The following ASS1 variants were observed in gnomAD, a reference collection of about 807,000 sequenced individuals.
ASS1 encodes the protein argininosuccinate synthase 1.
Under a neutral mutation model 60.5 loss-of-function variants are expected in ASS1, and 58 were observed. That is an observed-to-expected ratio of 0.96 (90% CI 0.78 to 1.19). The LOEUF is 1.19. Ranked by LOEUF, ASS1 falls within the 50% of genes most tolerant of loss-of-function variation. The probability of loss-of-function intolerance (pLI) is 0.00; values close to 1 mark genes in which losing one functional copy is unlikely to be tolerated. For missense variants in ASS1, 454 were observed against 547.3 expected (o/e 0.83, Z 1.70); for synonymous variants, 200 against 206.9 (o/e 0.97, Z 0.29).
chr9:130,453,001 C>T (rs918760523), intron 2 of ASS1, among the ~76,000 whole-genome samples: 2 of 152,236 alleles, frequency 1.3e-5, no homozygotes, highest in African/African-American at 4.8e-5. Flanking sequence ...ATTCTTGGCT[C>T]ACACAACTGA....
At chr9:130,474,963 G>A (rs1328426054) in intron 8 of ASS1, among the ~76,000 whole-genome samples, 1 of 152,238 alleles carries the variant, frequency 6.6e-6, no homozygotes, top group Non-Finnish European at 1.5e-5. Context: ...CCCCACAAAT[G>A]GGCACTGATG....
intron 1 of ASS1, among the ~76,000 whole-genome samples, chr9:130,446,203 A>G (rs981047681): frequency 1.3e-5 from 2 of 152,068 alleles, no homozygotes; most frequent in Non-Finnish European, 2.9e-5. Flanking sequence ...GGGCTCAGGA[A>G]ACATTTGCAG....
Position 130,499,424 on chromosome 9 carries a change from G to T in ASS1, c.1128-81G>T, listed in dbSNP as rs1307509763. 4.2e-6 allele frequency: 6 copies of T among 1,436,550 alleles called. No homozygotes were observed. The East Asian group carries it at 1.2e-4, about 28-fold the overall frequency. 89.0% of individuals were successfully genotyped at this position (1,436,550 alleles called of 1,614,324 possible). ...AATGCCCTGGCATCTGGGAGGTGGG[G>T]CTGCTTCTGGCCCCAGCAGTCCTCC... On this transcript the variant is annotated intron_variant, in intron 13 of 14. Coordinates refer to ENST00000352480, the MANE Select transcript of ASS1 (RefSeq NM_054012.4).
intron 1 of ASS1, among the ~76,000 whole-genome samples, chr9:130,446,253 G>A (rs563726384): frequency 6.6e-6 from 1 of 152,306 alleles, no homozygotes; most frequent in South Asian, 2.1e-4. Flanking sequence ...ACTGTTGGGT[G>A]CTGGGCCTGG....
intron 8 of ASS1, among the ~76,000 whole-genome samples, chr9:130,475,871 C>T (rs908720246): frequency 1.3e-5 from 2 of 151,930 alleles, no homozygotes; most frequent in African/African-American, 4.8e-5. Context: ...ATTCTCCTGC[C>T]TCAGCCTCCT....
In ASS1 at chr9:130,494,312, T is replaced by G. The variant is rs1005927806; in HGVS notation, c.971-555T>G. 2.6e-5 allele frequency among the ~76,000 whole-genome samples: 4 copies of G among 152,114 alleles called. No homozygotes were observed. The highest frequency in any genetic ancestry group is 2.6e-4 in the Admixed American group (4 of 15,280). The stretch of plus-strand genomic sequence containing the variant: ...GCTGGTGCTGCTCAGTGCTAGGGGC[T>G]CCACATGAAATATTACTGTGACATC... On this transcript the variant is annotated intron_variant, in intron 12 of 14. Transcript: ENST00000352480. This position sits in a 1 kb window ranked among gnomAD's most constrained non-coding sequence, Gnocchi z 4.3.
intron 1 of ASS1, among the ~76,000 whole-genome samples, chr9:130,446,161 A>G (rs1424358139): frequency 6.6e-6 from 1 of 152,096 alleles, no homozygotes; most frequent in African/African-American, 2.4e-5. Flanking sequence ...CTGGCCCCCA[A>G]GCTTCAGTCT....
intron 14 of ASS1, among the ~76,000 whole-genome samples, chr9:130,500,381 G>C (rs1422873451): frequency 6.6e-6 from 1 of 152,190 alleles, no homozygotes; most frequent in Non-Finnish European, 1.5e-5. Flanking sequence ...GGAGGTGGTG[G>C]AGCTGAGTCC....
Position 130,489,574 on chromosome 9 carries a change from G to GCCGC in ASS1, c.970+113_970+116dup. The GCCGC allele has an allele frequency of 1.3e-6, 2 of 1,536,214 alleles. No individual in the cohort carries two copies. The highest frequency in any genetic ancestry group is 2.2e-5 in the South Asian group (2 of 89,124). ...CTCCGTATCAGCACCTTCCTCCCCTGCCGCCCACTGCCATCCTCATGTGAG... is the reference window on the plus strand; with the variant it reads ...CTCCGTATCAGCACCTTCCTCCCCTGCCGCCCGCCCACTGCCATCCTCATGTGAG... On this transcript the variant is annotated intron_variant, in intron 12 of 14. Coordinates refer to ENST00000352480, the MANE Select transcript of ASS1 (RefSeq NM_054012.4). This position sits in a 1 kb window ranked among gnomAD's most constrained non-coding sequence, Gnocchi z 4.1.
At position 130,465,516 on chromosome 9, in the gene ASS1, G is replaced by A. The variant is rs150394748; in HGVS notation, c.421-1209G>A. The stretch of plus-strand genomic sequence containing the variant: ...AATGTGCTGCATGCAGGCATGTCTC[G>A]CTAGCTGGCTGGATTTCAGGTGCTC... On this transcript the variant is annotated intron_variant, in intron 5 of 14. Coordinates refer to ENST00000352480, the MANE Select transcript of ASS1 (RefSeq NM_054012.4). 6.5e-3 allele frequency among the ~76,000 whole-genome samples: 996 copies of A among 152,240 alleles called. 3 individuals are homozygous for A. Among genetic ancestry groups the A allele is most frequent in the Non-Finnish European group, 7.8e-3 (529 of 68,012 alleles).
At chr9:130,480,688 A>G (rs1003306563) in intron 11 of ASS1, among the ~76,000 whole-genome samples, 1 of 152,230 alleles carries the variant, frequency 6.6e-6, no homozygotes, top group South Asian at 2.1e-4. Flanking sequence ...GGAGAGGCCC[A>G]GGAGGGCCTG....
At chr9:130,472,565 G>A (rs1217052617) in intron 8 of ASS1, among the ~76,000 whole-genome samples, 1 of 152,168 alleles carries the variant, frequency 6.6e-6, no homozygotes, top group African/African-American at 2.4e-5. Context: ...CCTGGGGCTG[G>A]TGCCCTCCAG....
At chr9:130,456,105 T>C (rs1052475553) in intron 3 of ASS1, among the ~76,000 whole-genome samples, 4 of 152,246 alleles carry the variant, frequency 2.6e-5, no homozygotes, top group Non-Finnish European at 4.4e-5. Flanking sequence ...TTCTCAAAAC[T>C]TGTGGTCTTG....
At chr9:130,495,575 T>G (rs1371664446) in intron 13 of ASS1, among the ~76,000 whole-genome samples, 5 of 141,758 alleles carry the variant, frequency 3.5e-5, no homozygotes, top group Non-Finnish European at 4.6e-5. Flanking sequence ...AGTTAACAGG[T>G]GAATGGGGGG....
At chr9:130,467,264 C>A (rs1202117875) in intron 6 of ASS1, among the ~76,000 whole-genome samples, 1 of 152,232 alleles carries the variant, frequency 6.6e-6, no homozygotes, top group Non-Finnish European at 1.5e-5. Context: ...CAGGTAGGCG[C>A]TCCAAGGGAC....
At chr9:130,450,242 G>A (rs974270619) in intron 1 of ASS1, 4 of 987,154 alleles carry the variant, frequency 4.1e-6, no homozygotes, top group Admixed American at 6.1e-5. Context: ...CAGGCTACCT[G>A]CAGGCAGCTG....
chr9:130,477,057 C>A lies in ASS1; in HGVS notation c.688+96C>A, dbSNP rs1341285665. ...TGGGAACCTAGGCCCTCTTTACCCCCGCCCTGCATTCCTGGAAGCTAGAGT... is the reference window on the plus strand; with the variant it reads ...TGGGAACCTAGGCCCTCTTTACCCCAGCCCTGCATTCCTGGAAGCTAGAGT... On this transcript the variant is annotated intron_variant, in intron 9 of 14. Coordinates refer to ENST00000352480, the MANE Select transcript of ASS1 (RefSeq NM_054012.4). The surrounding 1 kb of genome is among the most constrained non-coding windows in gnomAD (Gnocchi z 4.2). 1 of 1,285,910 alleles carries A rather than the reference C, an allele frequency of 7.8e-7. No homozygotes were observed. Among genetic ancestry groups the A allele is most frequent in the Non-Finnish European group, 1.1e-6 (1 of 892,878 alleles). The allele number at this position is 1,285,910 out of a possible 1,614,324, so 79.7% of individuals were successfully genotyped here.
At chr9:130,454,472 T>A (rs763355984) in intron 3 of ASS1, 99 bp downstream of exon 3, 5 of 1,261,466 alleles carry the variant, frequency 4.0e-6, no homozygotes, top group Non-Finnish European at 5.7e-6. Flanking sequence ...CCTTCCAGTG[T>A]GTCTTCTTGC....
Position 130,454,382 on chromosome 9 carries a change from C to T in ASS1, c.174+9C>T, listed in dbSNP as rs771307549. 1.5e-5 allele frequency: 25 copies of T among 1,613,046 alleles called. No individual in the cohort carries two copies. The highest frequency in any genetic ancestry group is 7.7e-5 in the South Asian group (7 of 90,860). On this transcript the variant is annotated intron_variant, in intron 3 of 14. Transcript: ENST00000352480. ...AGCTTGGGGCCAAAAAGGTACCAGG[C>T]GGGAGGCAGGGATTTGGGCTGGGAG...
Sources: allele counts gnomAD v4.1 joint callset (sites outside exome capture counted in the v4.1 genomes callset), GRCh38; gene constraint gnomAD v4.1.1; non-coding constraint Gnocchi (gnomAD v3.1); transcripts MANE v1.5; gene names NCBI Gene and HGNC (gene_info 2026-07-23, HGNC 2026-07-21).